Variants in ECT2L observed in about 807,000 individuals in gnomAD.
The protein encoded by ECT2L is epithelial cell-transforming sequence 2 oncogene-like.
ECT2L carries 126 observed loss-of-function variants against 122.8 expected under a neutral mutation model. The ratio of observed to expected loss-of-function variants is 1.03; its 90% CI spans 0.89 to 1.19. The LOEUF is 1.19. ECT2L is among the 50% of genes most tolerant of loss of function. ECT2L has a pLI of 0.00. For missense variants in ECT2L, 1,012 were observed against 1,064.1 expected, an observed-to-expected ratio of 0.95 and a Z score of 0.68; for synonymous variants, 385 against 381.8, an observed-to-expected ratio of 1.01 and a Z score of -0.10.
chr6:138,901,433 T>C (rs1779392015), intron 21 of ECT2L, among the ~76,000 whole-genome samples: 2 of 152,222 alleles, frequency 1.3e-5, no homozygotes, highest in African/African-American at 4.8e-5. Flanking sequence ...CAACCACTAT[T>C]CTATACTGTC....
intron 11 of ECT2L, among the ~76,000 whole-genome samples, chr6:138,863,201 C>A (rs1201124103): frequency 6.6e-6 from 1 of 152,138 alleles, no homozygotes; most frequent in East Asian, 1.9e-4. Context: ...ACTAAAGCTG[C>A]AAATTTAGAT....
rs1179108188 is a variant in ECT2L at position 138,894,117 on chromosome 6, C to T, written c.2414+5086C>T. Among the ~76,000 whole-genome samples the T allele has an allele frequency of 3.9e-5, 6 of 152,038 alleles. No individual in the cohort carries two copies. In the South Asian group the frequency reaches 1.0e-3, roughly 26 times the overall value. ...CTGTTGCCAGGCTGGAGTGCAGTGG[C>T]GCAATCTCAGCTCACTGCAACCTCC... On this transcript the variant is annotated intron_variant, in intron 20 of 21. Coordinates refer to ENST00000541398, the MANE Select transcript of ECT2L (RefSeq NM_001077706.3).
At chr6:138,846,235 A>T (rs1485741143) in intron 7 of ECT2L, among the ~76,000 whole-genome samples, 1 of 152,328 alleles carries the variant, frequency 6.6e-6, no homozygotes, top group East Asian at 1.9e-4. Flanking sequence ...CTTTTTAAAT[A>T]TCTTTTTGAA....
intron 4 of ECT2L, among the ~76,000 whole-genome samples, chr6:138,821,129 C>T (rs1776254915): frequency 6.6e-6 from 1 of 152,254 alleles, no homozygotes; most frequent in East Asian, 1.9e-4. Flanking sequence ...ACCACATGAG[C>T]TGTCTCGTCC....
intron 20 of ECT2L, among the ~76,000 whole-genome samples, chr6:138,893,101 A>G (rs1036729037): frequency 3.3e-5 from 5 of 151,844 alleles, no homozygotes; most frequent in Non-Finnish European, 7.4e-5. Context: ...GAAACATTCT[A>G]TAGTTCTATG....
In ECT2L at chr6:138,844,501, A is replaced by C; in HGVS notation, c.685A>C (p.Thr229Pro). ...KPRCQPRLSQ[T>P]VRERVGLHEA... ...CAGATGCCAACCACGCCTCTCCCAG[A>C]CTGTAAGGGAGCGAGTGGGATTACA... The change falls in exon 7 of 22, where the codon ACT (threonine) becomes CCT (proline). Residue 229 changes from threonine (T) to proline (P), a missense_variant. By Grantham distance (38) the Thr-to-Pro change is conservative. Transcript: ENST00000541398. 1 of 1,614,134 alleles carries C rather than the reference A, an allele frequency of 6.2e-7. No homozygotes were observed. The highest frequency in any genetic ancestry group is 1.1e-5 in the South Asian group (1 of 91,074).
chr6:138,864,998 CT>C lies in ECT2L; in HGVS notation c.1296del (p.Ser433ValfsTer32), dbSNP rs754668548. On this transcript the variant is annotated frameshift_variant, in exon 12 of 22. Transcript: ENST00000541398. LOFTEE classifies it high-confidence loss of function. ...GIATGSYQHI[L>X]SDWLGSQWGK... ...ATAACAGAAGAAAATCATGTCAGTTCTTAGTGATTGGCTGGGATCCCAATGG... is the reference window on the plus strand; with the variant it reads ...ATAACAGAAGAAAATCATGTCAGTTCTAGTGATTGGCTGGGATCCCAATGG... 1.2e-6 allele frequency: 2 copies of C among 1,611,998 alleles called. No individual in the cohort carries two copies. Among genetic ancestry groups the C allele is most frequent in the East Asian group, 4.5e-5 (2 of 44,856 alleles).
At chr6:138,829,630 C>G (rs1180528174) in intron 4 of ECT2L, among the ~76,000 whole-genome samples, 1 of 152,192 alleles carries the variant, frequency 6.6e-6, no homozygotes, top group South Asian at 2.1e-4. Context: ...TATATCATTA[C>G]TGAAATCAGT....
At chr6:138,873,802 TAAAC>T (rs1225701365) in intron 13 of ECT2L, among the ~76,000 whole-genome samples, 1 of 150,004 alleles carries the variant, frequency 6.7e-6, no homozygotes, top group Non-Finnish European at 1.5e-5. Context: ...CTCAAAAAAA[TAAAC>T]AAAACAAAAA....
At chr6:138,854,974 GTT>G (rs199929918) in intron 10 of ECT2L, among the ~76,000 whole-genome samples, 2 of 150,780 alleles carry the variant, frequency 1.3e-5, no homozygotes, top group African/African-American at 4.9e-5. Flanking sequence ...TTCTCATACT[GTT>G]TTTTTTTGTT....
intron 1 of ECT2L, among the ~76,000 whole-genome samples, chr6:138,808,228 T>C (rs899615404): frequency 5.3e-5 from 8 of 152,166 alleles, no homozygotes; most frequent in Non-Finnish European, 8.8e-5. Flanking sequence ...CCTTGATTTA[T>C]ATTGGATTTT....
chr6:138,857,517 G>T (rs1777654787), intron 10 of ECT2L, among the ~76,000 whole-genome samples: 1 of 152,120 alleles, frequency 6.6e-6, no homozygotes, highest in Non-Finnish European at 1.5e-5. Context: ...ACTTTTGGAG[G>T]ACTGTAAGTG....
At chr6:138,852,172 C>T (rs536598587) in intron 9 of ECT2L, among the ~76,000 whole-genome samples, 3 of 152,224 alleles carry the variant, frequency 2.0e-5, no homozygotes, top group Non-Finnish European at 4.4e-5. Flanking sequence ...GTCCCAGCTA[C>T]TCCTTGGGAG....
chr6:138,887,151 C>T (rs1225450741), intron 19 of ECT2L, among the ~76,000 whole-genome samples: 1 of 152,100 alleles, frequency 6.6e-6, no homozygotes, highest in Non-Finnish European at 1.5e-5. Context: ...GCAGTCTTTG[C>T]TCCTTTATTG....
In ECT2L at chr6:138,865,130, T is replaced by C. The variant is rs779291281; in HGVS notation, c.1426T>C (p.Tyr476His). The C allele has an allele frequency of 5.0e-6, 8 of 1,613,796 alleles. No homozygotes were observed. The African/African-American group carries it at 1.1e-4, about 22-fold the overall frequency. Reference sequence around the variant, plus strand: ...CTTGAAAACAGTAAGGAAGCAGCTGTATCCTTTCTTCAAGGAACTGCAGAA... The same window carrying C: ...CTTGAAAACAGTAAGGAAGCAGCTGCATCCTTTCTTCAAGGAACTGCAGAA... ...ETLKTVRKQL[Y>H]PFFKELQKSI... is the part of the protein sequence containing the mutation. The change falls in exon 12 of 22, where the codon TAT (tyrosine) becomes CAT (histidine). Residue 476 changes from tyrosine to histidine, a missense_variant. By Grantham distance (83) the Tyr-to-His change is moderately conservative (BLOSUM62 2). Transcript: ENST00000541398.
chr6:138,800,797 A>T (rs1015406771), intron 1 of ECT2L, among the ~76,000 whole-genome samples: 1 of 152,240 alleles, frequency 6.6e-6, no homozygotes, highest in African/African-American at 2.4e-5. Context: ...CTATAATAAA[A>T]TACCTGAGAC....
Position 138,822,747 on chromosome 6 carries a change from A to G in ECT2L, c.179+8144A>G, listed in dbSNP as rs1776309719. ...TGCATTTCCATCTGAGATTGGAGCC[A>G]TGGCTTTGGAACAGAACCAGTCAAC... On this transcript the variant is annotated intron_variant, in intron 4 of 21. Coordinates refer to ENST00000541398, the MANE Select transcript of ECT2L (RefSeq NM_001077706.3). 11 of 1,588,516 alleles carry G rather than the reference A, an allele frequency of 6.9e-6. No homozygotes were observed. The South Asian group carries it at 8.1e-5, about 12-fold the overall frequency.
intron 4 of ECT2L, among the ~76,000 whole-genome samples, chr6:138,826,920 G>A (rs909507419): frequency 2.6e-5 from 4 of 152,066 alleles, no homozygotes; most frequent in African/African-American, 9.7e-5. Flanking sequence ...CATGTGATGT[G>A]CCTGCTTCCC....
At chr6:138,892,857 G>C (rs770288387) in intron 20 of ECT2L, among the ~76,000 whole-genome samples, 1 of 152,152 alleles carries the variant, frequency 6.6e-6, no homozygotes, top group African/African-American at 2.4e-5. Context: ...AACTAAACAG[G>C]TCTTCAGTGT....
Sources: gnomAD v4.1 joint callset for allele counts (sites outside exome capture counted in the v4.1 genomes callset) on GRCh38, gnomAD v4.1.1 for gene constraint, MANE v1.5 for transcripts, NCBI Gene and HGNC (gene_info 2026-07-23, HGNC 2026-07-21) for gene names.